Variants in ANOS1 observed in about 807,000 individuals in gnomAD.
The protein encoded by ANOS1 is anosmin-1.
A neutral mutation model predicts 59.0 loss-of-function variants in ANOS1; 6 were observed. The ratio of observed to expected loss-of-function variants is 0.10; its 90% CI spans 0.06 to 0.20. The LOEUF is 0.20. Among genes scored for constraint, ANOS1 ranks in the 10% least tolerant of loss-of-function variants. The pLI is 1.00. For synonymous variants in ANOS1, 217 were observed against 223.4 expected, an observed-to-expected ratio of 0.97 and a Z score of 0.25; for missense variants, 433 against 542.3, an observed-to-expected ratio of 0.80 and a Z score of 2.00.
intron 6 of ANOS1, among the ~76,000 whole-genome samples, chrX:8,580,532 T>C (rs1197781897): frequency 8.9e-6 from 1 of 111,997 alleles, no homozygotes; most frequent in African/African-American, 3.2e-5. Context: ...AAATAGTTAA[T>C]GTTGAGTTAG....
At chrX:8,679,545 C>CAAA (rs201433193) in intron 2 of ANOS1, among the ~76,000 whole-genome samples, 1 of 89,703 alleles carries the variant, frequency 1.1e-5, no homozygotes, top group Admixed American at 1.2e-4. Context: ...GGATTTCTTG[C>CAAA]AAAAAAAAAA....
chrX:8,642,530 T>A (rs1218930388), intron 2 of ANOS1, among the ~76,000 whole-genome samples: 1 of 109,730 alleles, frequency 9.1e-6, no homozygotes, highest in Non-Finnish European at 1.9e-5. Flanking sequence ...ATTTCAAGAA[T>A]GTTATTAGGC....
At chrX:8,677,705 T>A (rs760627496) in intron 2 of ANOS1, among the ~76,000 whole-genome samples, 9 of 111,917 alleles carry the variant, frequency 8.0e-5, no homozygotes, top group South Asian at 3.7e-4. Context: ...ATATATATAT[T>A]TTTTTCCTCT....
chrX:8,561,571 TC>T (rs1029653678), intron 8 of ANOS1, among the ~76,000 whole-genome samples: 5 of 104,227 alleles, frequency 4.8e-5, no homozygotes, highest in African/African-American at 7.1e-5. Flanking sequence ...CGACTCGGCC[TC>T]CCAAAGTGCT....
chrX:8,536,433 A>G (rs73472327), intron 11 of ANOS1, among the ~76,000 whole-genome samples: 76 of 110,407 alleles, frequency 6.9e-4, no homozygotes, highest in African/African-American at 2.4e-3. Flanking sequence ...CCAGGTTGGC[A>G]TGGAAAGTGT....
rs182592843 is a variant in ANOS1 at position 8,531,314 on chromosome X, G to C, written c.*1681C>G. Reference sequence around the variant, plus strand: ...GCATTTTAATTTGCATCTACCTTTAGACACTGCAGTGAGGCTCTGTGGAGT... The same window carrying C: ...GCATTTTAATTTGCATCTACCTTTACACACTGCAGTGAGGCTCTGTGGAGT... On this transcript the variant is annotated 3_prime_UTR_variant, in exon 14 of 14. Transcript: ENST00000262648. The C allele has an allele frequency of 9.0e-6, 1 of 111,327 alleles. No individual in the cohort carries two copies. The highest frequency in any genetic ancestry group is 1.9e-5 in the Non-Finnish European group (1 of 53,107). The allele number at this position is 111,327 out of a possible 1,213,427, so 9.2% of individuals were successfully genotyped here. A position where few individuals can be genotyped will look rare whatever the true frequency, so the allele number is the denominator to read the frequency against.
intron 2 of ANOS1, among the ~76,000 whole-genome samples, chrX:8,657,308 T>C (rs1931948149): frequency 8.9e-6 from 1 of 112,010 alleles, no homozygotes; most frequent in Admixed American, 9.4e-5. Context: ...ATTCAGATCA[T>C]ATCCCTGTAA....
chrX:8,587,133 T>TG (rs1222166312), intron 5 of ANOS1, among the ~76,000 whole-genome samples: 221 of 90,753 alleles, frequency 2.4e-3, no homozygotes, highest in Middle Eastern at 5.6e-3. Context: ...TGTGTGTGTG[T>TG]GGGGGGGTGG....
intron 2 of ANOS1, among the ~76,000 whole-genome samples, chrX:8,683,875 A>G (rs751846603): frequency 1.8e-5 from 2 of 111,990 alleles, no homozygotes; most frequent in Non-Finnish European, 3.8e-5. Flanking sequence ...AGCTAATGTT[A>G]TAACACTGGA....
chrX:8,607,166 C>G (rs756243462), intron 3 of ANOS1, among the ~76,000 whole-genome samples: 4 of 112,265 alleles, frequency 3.6e-5, no homozygotes, highest in African/African-American at 1.3e-4. Flanking sequence ...GCAAAACTGC[C>G]AAGTGTGTCT....
chrX:8,537,742 G>T (rs1449595563), intron 10 of ANOS1, among the ~76,000 whole-genome samples: 2 of 98,162 alleles, frequency 2.0e-5, no homozygotes, highest in African/African-American at 8.3e-5. Context: ...AGACTCCATG[G>T]TTTTTACGTG....
At chrX:8,722,039 C>CA (rs1418523022) in intron 1 of ANOS1, among the ~76,000 whole-genome samples, 27 of 111,504 alleles carry the variant, frequency 2.4e-4, no homozygotes, top group African/African-American at 8.8e-4. Context: ...AGATCTCATA[C>CA]AAAAAACTCC....
chrX:8,570,336 T>C (rs1232569129), intron 7 of ANOS1, among the ~76,000 whole-genome samples, 163 bp downstream of exon 7: 3 of 111,659 alleles, frequency 2.7e-5, no homozygotes, highest in Non-Finnish European at 5.6e-5. Context: ...ACAGCCGGCA[T>C]GCCCCTGCAT....
intron 6 of ANOS1, among the ~76,000 whole-genome samples, chrX:8,583,313 C>T (rs1310738574): frequency 1.8e-5 from 2 of 111,518 alleles, no homozygotes; most frequent in African/African-American, 6.5e-5. Flanking sequence ...CGGGGTGATG[C>T]ACTCATTCTA....
intron 8 of ANOS1, among the ~76,000 whole-genome samples, chrX:8,564,769 T>C (rs1292195170): frequency 9.0e-6 from 1 of 111,570 alleles, no homozygotes; most frequent in Non-Finnish European, 1.9e-5. Flanking sequence ...GGGAACCGCA[T>C]GGCTTACTGA....
chrX:8,713,344 C>T (rs1211738208), intron 1 of ANOS1, among the ~76,000 whole-genome samples: 1 of 109,932 alleles, frequency 9.1e-6, no homozygotes, highest in South Asian at 4.0e-4. Context: ...CAGAGAGAAG[C>T]CCGACAGCAT....
chrX:8,688,741 C>A (rs1015577039), intron 2 of ANOS1, among the ~76,000 whole-genome samples: 1 of 111,711 alleles, frequency 9.0e-6, no homozygotes, highest in African/African-American at 3.3e-5. Flanking sequence ...AAATAGGAAC[C>A]CGTTCTTTCC....
chrX:8,693,236 A>C (rs1294814009), intron 2 of ANOS1, among the ~76,000 whole-genome samples: 1 of 111,989 alleles, frequency 8.9e-6, no homozygotes, highest in East Asian at 2.8e-4. Flanking sequence ...CAGGTTCCTG[A>C]AGCGCACAAT....
chrX:8,557,469 A>C (rs1236064772), intron 8 of ANOS1, among the ~76,000 whole-genome samples: 1 of 112,159 alleles, frequency 8.9e-6, no homozygotes, highest in Non-Finnish European at 1.9e-5. Flanking sequence ...GAAACAAATA[A>C]ATTTACAAGA....
Sources: allele counts gnomAD v4.1 joint callset (sites outside exome capture counted in the v4.1 genomes callset), GRCh38; gene constraint gnomAD v4.1.1; transcripts MANE v1.5; gene names NCBI Gene and HGNC (gene_info 2026-07-23, HGNC 2026-07-21).